Variants in PSMD5 observed in about 807,000 individuals in gnomAD.
PSMD5 encodes proteasome 26S subunit, non-ATPase 5, also known as 26S proteasome non-ATPase regulatory subunit 5.
In PSMD5, 40 loss-of-function variants were observed where a neutral mutation model predicts 52.1. The observed-to-expected ratio is 0.77, with a 90% confidence interval of 0.60 to 1.00. The LOEUF is 1.00. Among genes scored for constraint, PSMD5 ranks in the 50% least tolerant of loss-of-function variants. The pLI, the probability that PSMD5 is intolerant of heterozygous loss-of-function variation, is 0.00. For missense variants in PSMD5, 575 were observed against 605.2 expected, an observed-to-expected ratio of 0.95 and a Z score of 0.52; for synonymous variants, 211 against 226.6, an observed-to-expected ratio of 0.93 and a Z score of 0.62.
chr9:120,824,439 A>G, intron 7 of PSMD5, 55 bp downstream of exon 7: 1 of 1,560,268 alleles, frequency 6.4e-7, no homozygotes, highest in Admixed American at 1.7e-5. Flanking sequence ...GAACTTACAT[A>G]TTGAACCCCT....
intron 2 of PSMD5, among the ~76,000 whole-genome samples, chr9:120,832,981 A>T (rs558723947): frequency 9.9e-5 from 15 of 152,264 alleles, no homozygotes; most frequent in Admixed American, 2.0e-4. Context: ...CCTTGAAGGA[A>T]AGTAATCAGT....
intron 1 of PSMD5, among the ~76,000 whole-genome samples, chr9:120,840,445 T>A (rs966391831): frequency 1.3e-5 from 2 of 148,946 alleles, no homozygotes; most frequent in African/African-American, 2.5e-5. Flanking sequence ...TTATTATTAT[T>A]ATATTATTAT....
intron 6 of PSMD5, among the ~76,000 whole-genome samples, chr9:120,826,364 A>G (rs1346173982): frequency 6.6e-6 from 1 of 152,094 alleles, no homozygotes; most frequent in Non-Finnish European, 1.5e-5. Context: ...TTTGTCATAC[A>G]TGGCCTTTAT....
chr9:120,828,155 C>G (rs1425530614), intron 5 of PSMD5, among the ~76,000 whole-genome samples: 2 of 152,126 alleles, frequency 1.3e-5, no homozygotes, highest in East Asian at 3.9e-4. Context: ...CACCACCACG[C>G]CCAGCTAATT....
intron 1 of PSMD5, among the ~76,000 whole-genome samples, chr9:120,835,035 G>A (rs1343668897): frequency 6.6e-6 from 1 of 152,132 alleles, no homozygotes; most frequent in African/African-American, 2.4e-5. Context: ...ACAACCTTTT[G>A]GGTAGGTAAC....
At chr9:120,822,683 C>A (rs930802985) in intron 7 of PSMD5, among the ~76,000 whole-genome samples, 1 of 151,692 alleles carries the variant, frequency 6.6e-6, no homozygotes, top group Admixed American at 6.6e-5. Flanking sequence ...ATTACAGGCG[C>A]CTGCCATCAC....
chr9:120,820,277 C>G (rs1041237391), intron 9 of PSMD5, among the ~76,000 whole-genome samples: 1 of 152,184 alleles, frequency 6.6e-6, no homozygotes, highest in African/African-American at 2.4e-5. Context: ...ATGCCCTTCA[C>G]TGAGCAAAAA....
At position 120,842,755 on chromosome 9, in the gene PSMD5, A is replaced by T. The variant is rs372097705; in HGVS notation, c.155T>A (p.Leu52Gln). The T allele has an allele frequency of 7.5e-5, 121 of 1,613,214 alleles. No homozygotes were observed. The highest frequency in any genetic ancestry group is 9.2e-5 in the Non-Finnish European group (108 of 1,180,016). The change falls in exon 1 of 10, where the codon CTG becomes CAG. Residue 52 changes from leucine to glutamine, a missense_variant. Leu to Gln is a moderately radical substitution (Grantham distance 113, BLOSUM62 -2). Coordinates refer to ENST00000210313, the MANE Select transcript of PSMD5 (RefSeq NM_005047.4). ...CTCTCACCTATGGTTCTCGTTAAGC[A>T]GGGAGAAGAGCGGGCCGAGGCGCAG... Reference protein sequence around the residue: ...AELRLGPLFSLLNENHREKTT... With the variant: ...AELRLGPLFSQLNENHREKTT...
intron 1 of PSMD5, among the ~76,000 whole-genome samples, chr9:120,834,490 T>C (rs2045185150): frequency 6.6e-6 from 1 of 152,146 alleles, no homozygotes. Flanking sequence ...AAAAGTGTTC[T>C]AGGTAGAGGG....
chr9:120,824,101 C>CA (rs1342736224), intron 7 of PSMD5: 16 of 167,886 alleles, frequency 9.5e-5, no homozygotes, highest in Non-Finnish European at 1.7e-4. Flanking sequence ...GAGACACTCT[C>CA]AATCTCTTAA....
At chr9:120,818,373 G>A (rs908202506) in intron 9 of PSMD5, among the ~76,000 whole-genome samples, 2 of 152,086 alleles carry the variant, frequency 1.3e-5, no homozygotes, top group Non-Finnish European at 2.9e-5. Context: ...TAGTGTGAAA[G>A]TTACAATATA....
At chr9:120,827,161 T>A (rs558630512) in intron 5 of PSMD5, among the ~76,000 whole-genome samples, 1 of 152,380 alleles carries the variant, frequency 6.6e-6, no homozygotes, top group African/African-American at 2.4e-5. Flanking sequence ...TTGTTTCCAC[T>A]ATAACCTAGC....
At chr9:120,819,823 G>A (rs138264982) in intron 9 of PSMD5, among the ~76,000 whole-genome samples, 72 of 151,942 alleles carry the variant, frequency 4.7e-4, no homozygotes, top group South Asian at 4.2e-3. Flanking sequence ...GCGACAGAGC[G>A]AGACTCTGTC....
In PSMD5 at chr9:120,828,443, C is replaced by CTTT. The variant is rs34354549; in HGVS notation, c.671+653_671+655dup. On this transcript the variant is annotated intron_variant, in intron 5 of 9. Transcript: ENST00000210313. ...TTCCTCATTTTGAAAAGCTCATATT[C>CTTT]TTTTTTTTTTTTTTTTTTGAGACAG... Among the ~76,000 whole-genome samples the CTTT allele has an allele frequency of 2.0e-3, 268 of 132,534 alleles. 6 individuals are homozygous for CTTT. The highest frequency in any genetic ancestry group is 4.5e-3 in the African/African-American group (159 of 35,238). The allele number at this position is 132,534 out of a possible 152,430, so 86.9% of individuals were successfully genotyped here. A position where few individuals can be genotyped will look rare whatever the true frequency, so the allele number is the denominator to read the frequency against.
Position 120,840,548 on chromosome 9 carries a change from T to A in PSMD5, c.173+2189A>T, listed in dbSNP as rs543283966. ...GCAACCTCCACCTCTCAGGTTCAAG[T>A]GATTGTCCTGCCTCAGCCTCCCAAC... On this transcript the variant is annotated intron_variant, in intron 1 of 9. Transcript: ENST00000210313. Among the ~76,000 whole-genome samples, 22 of 151,080 alleles carry A rather than the reference T, an allele frequency of 1.5e-4. No homozygotes were observed. The South Asian group carries it at 2.8e-3, about 19-fold the overall frequency.
chr9:120,835,006 A>C (rs1337241244), intron 1 of PSMD5, among the ~76,000 whole-genome samples: 2 of 152,262 alleles, frequency 1.3e-5, no homozygotes, highest in Non-Finnish European at 2.9e-5. Flanking sequence ...TGTTAGTAGT[A>C]GTACACAATT....
chr9:120,833,199 G>T, intron 2 of PSMD5, 113 bp downstream of exon 2: 1 of 1,245,732 alleles, frequency 8.0e-7, no homozygotes, highest in Non-Finnish European at 1.1e-6. Flanking sequence ...GAGAGGGGGA[G>T]AAGGAAGAGG....
intron 1 of PSMD5, 63 bp downstream of exon 1, chr9:120,842,674 C>G (rs1460450024): frequency 4.4e-6 from 7 of 1,583,810 alleles, no homozygotes; most frequent in Non-Finnish European, 6.0e-6. Context: ...TGCCCTCAAC[C>G]ACTCTCATGT....
At chr9:120,841,323 T>G (rs962563571) in intron 1 of PSMD5, among the ~76,000 whole-genome samples, 3 of 152,148 alleles carry the variant, frequency 2.0e-5, no homozygotes, top group Non-Finnish European at 4.4e-5. Context: ...CTCACGCCTG[T>G]AATCCCAGCA....
Sources: allele counts gnomAD v4.1 joint callset (sites outside exome capture counted in the v4.1 genomes callset), GRCh38; gene constraint gnomAD v4.1.1; transcripts MANE v1.5; gene names NCBI Gene and HGNC (gene_info 2026-07-23, HGNC 2026-07-21).